Variants in PCDHGA6 observed in about 807,000 individuals in gnomAD.
The protein encoded by PCDHGA6 is protocadherin gamma subfamily A, 6, also known as protocadherin gamma-A6.
A neutral mutation model predicts 60.6 loss-of-function variants in PCDHGA6; 41 were observed. The ratio of observed to expected loss-of-function variants is 0.68; its 90% CI spans 0.53 to 0.88. The LOEUF is 0.88. Among genes scored for constraint, PCDHGA6 ranks in the 40% least tolerant of loss-of-function variants. PCDHGA6 has a pLI of 0.00. For missense variants in PCDHGA6, 1,312 were observed against 1,203.0 expected (o/e 1.09, Z -1.34); for synonymous variants, 594 against 524.4 (o/e 1.13, Z -1.81).
At chr5:141,440,399 A>T (rs1215824479) in intron 1 of PCDHGA6, 1 of 152,164 alleles carries the variant, frequency 6.6e-6, no homozygotes, top group Non-Finnish European at 1.5e-5. Context: ...CCGAGAGGCA[A>T]TCGCACCACT....
intron 1 of PCDHGA6, chr5:141,415,740 G>GTTTTTTGT (rs2095911797): frequency 1.9e-6 from 1 of 515,998 alleles, no homozygotes; most frequent in East Asian, 8.3e-5. Flanking sequence ...GTTTATTAAG[G>GTTTTTTGT]TTTTTTTTTT....
intron 1 of PCDHGA6, chr5:141,385,839 AT>A (rs758941967): frequency 8.1e-4 from 124 of 153,978 alleles, no homozygotes; most frequent in Admixed American, 2.3e-3. Context: ...CAGTATAATC[AT>A]TTATTAATGG....
At chr5:141,388,539 G>T (rs747974278) in intron 1 of PCDHGA6, 1 of 1,613,740 alleles carries the variant, frequency 6.2e-7, no homozygotes. Context: ...GGACTTTGGA[G>T]CTCCACCCCT....
At chr5:141,422,168 G>T in intron 1 of PCDHGA6, 2 of 1,563,582 alleles carry the variant, frequency 1.3e-6, no homozygotes, top group Non-Finnish European at 1.7e-6. Context: ...GAAAAATATA[G>T]ATTCTATGAG....
At chr5:141,400,685 T>G in intron 1 of PCDHGA6, 1 of 827,408 alleles carries the variant, frequency 1.2e-6, no homozygotes, top group South Asian at 1.8e-5. Context: ...AAATTGTGAG[T>G]TTTTATGTCG....
At chr5:141,470,201 G>C (rs2154570565) in intron 1 of PCDHGA6, among the ~76,000 whole-genome samples, 1 of 152,274 alleles carries the variant, frequency 6.6e-6, no homozygotes, top group Non-Finnish European at 1.5e-5. Flanking sequence ...AGATAAATAT[G>C]AAGGCTAAAC....
chr5:141,476,036 A>G lies in PCDHGA6; in HGVS notation c.2425-18771A>G. The G allele has an allele frequency of 1.4e-6, 2 of 1,471,164 alleles. No individual in the cohort carries two copies. Among genetic ancestry groups the G allele is most frequent in the Non-Finnish European group, 1.8e-6 (2 of 1,106,602 alleles). 91.1% of individuals were successfully genotyped at this position (1,471,164 alleles called of 1,614,324 possible). ...ATGTCGGACTCGGCGCCCAGCGCCCAAGCGCTAACCCGCTGAAAGTTTCTC... is the reference window on the plus strand; with the variant it reads ...ATGTCGGACTCGGCGCCCAGCGCCCGAGCGCTAACCCGCTGAAAGTTTCTC... On this transcript the variant is annotated intron_variant, in intron 1 of 3. Transcript: ENST00000517434. The surrounding 1 kb of genome is among the most constrained non-coding windows in gnomAD (Gnocchi z 7.6).
At chr5:141,383,028 CT>C (rs1561593940) in intron 1 of PCDHGA6, 2 of 1,613,814 alleles carry the variant, frequency 1.2e-6, no homozygotes, top group Non-Finnish European at 1.7e-6. Context: ...ACAAAGGGTC[CT>C]TTGTGGGAGA....
At chr5:141,438,232 GT>G (rs531572606) in intron 1 of PCDHGA6, among the ~76,000 whole-genome samples, 207 of 152,154 alleles carry the variant, frequency 1.4e-3, no homozygotes, top group Middle Eastern at 0.01. Flanking sequence ...TCAGGAAAAT[GT>G]TTTTAAAAAA....
chr5:141,484,024 A>G (rs769415978), intron 1 of PCDHGA6, among the ~76,000 whole-genome samples: 14 of 150,914 alleles, frequency 9.3e-5, no homozygotes, highest in Non-Finnish European at 1.6e-4. Flanking sequence ...GTGGGGTGAG[A>G]TCAAGTCTCC....
chr5:141,384,702 C>T lies in PCDHGA6; in HGVS notation c.2424+8195C>T, dbSNP rs115492697. ...CGGTGGACAAAGATTCAGGCCAGAACGCCTGGCTGTCATACCTCCTGCTTA... is the reference window on the plus strand; with the variant it reads ...CGGTGGACAAAGATTCAGGCCAGAATGCCTGGCTGTCATACCTCCTGCTTA... On this transcript the variant is annotated intron_variant, in intron 1 of 3. Coordinates refer to ENST00000517434, the MANE Select transcript of PCDHGA6 (RefSeq NM_018919.3). The T allele has an allele frequency of 1.9e-3, 3,011 of 1,614,186 alleles. 49 individuals carry two copies. The African/African-American group carries it at 0.033, about 18-fold the overall frequency.
intron 1 of PCDHGA6, among the ~76,000 whole-genome samples, chr5:141,402,671 G>A (rs1016182752): frequency 2.0e-5 from 3 of 152,140 alleles, no homozygotes; most frequent in Admixed American, 2.0e-4. Flanking sequence ...TTCTTTATCA[G>A]CCATCTGATA....
At chr5:141,383,464 A>C (rs368298668) in intron 1 of PCDHGA6, 99 of 1,613,728 alleles carry the variant, frequency 6.1e-5, no homozygotes, top group Non-Finnish European at 8.2e-5. Context: ...AGACGATGAA[A>C]CTAAGTACCC....
intron 1 of PCDHGA6, chr5:141,418,614 G>C: frequency 1.2e-6 from 2 of 1,613,994 alleles, no homozygotes; most frequent in Non-Finnish European, 1.7e-6. Flanking sequence ...GTTAGCCTTC[G>C]GGAAGACGTG....
chr5:141,507,553 C>T (rs1382652977), intron 3 of PCDHGA6, among the ~76,000 whole-genome samples: 4 of 152,192 alleles, frequency 2.6e-5, no homozygotes, highest in Admixed American at 2.0e-4. Flanking sequence ...ATGAAAGTGG[C>T]AGGCGGCTGG....
intron 1 of PCDHGA6, chr5:141,393,900 G>A (rs1048161107): frequency 3.7e-6 from 6 of 1,613,906 alleles, no homozygotes; most frequent in South Asian, 1.1e-5. Flanking sequence ...TTCTCTTCCC[G>A]GGACAGTAAT....
At chr5:141,470,548 A>G (rs2099232978) in intron 1 of PCDHGA6, among the ~76,000 whole-genome samples, 1 of 152,182 alleles carries the variant, frequency 6.6e-6, no homozygotes, top group Non-Finnish European at 1.5e-5. Context: ...ATATTTATTG[A>G]GAGTTTCCTC....
chr5:141,460,270 C>G (rs1223096441), intron 1 of PCDHGA6, among the ~76,000 whole-genome samples: 1 of 151,828 alleles, frequency 6.6e-6, no homozygotes, highest in Non-Finnish European at 1.5e-5. Context: ...TTTATTTTTT[C>G]TTTTATAGTT....
chr5:141,413,809 C>G, intron 1 of PCDHGA6: 1 of 1,613,188 alleles, frequency 6.2e-7, no homozygotes. Flanking sequence ...AGAGGCCATT[C>G]ACCACCTGGT....
Sources: allele counts gnomAD v4.1 joint callset (sites outside exome capture counted in the v4.1 genomes callset), GRCh38; gene constraint gnomAD v4.1.1; non-coding constraint Gnocchi (gnomAD v3.1); transcripts MANE v1.5; gene names NCBI Gene and HGNC (gene_info 2026-07-23, HGNC 2026-07-21).